The following ZNF136 variants were observed in gnomAD, a reference collection of about 807,000 sequenced individuals.
The protein encoded by ZNF136 is zinc finger protein 136 (clone pHZ-20).
Under a neutral mutation model 11.4 loss-of-function variants are expected in ZNF136, and 8 were observed. The observed-to-expected ratio is 0.70, with a 90% CI of 0.41 to 1.27. ZNF136 has a LOEUF of 1.27. Among genes scored for constraint, ZNF136 ranks in the 50% most tolerant of loss-of-function variants. ZNF136 has a pLI of 0.01. For missense variants in ZNF136, 590 were observed against 656.5 expected (o/e 0.90, Z 1.11); for synonymous variants, 190 against 207.1 (o/e 0.92, Z 0.71).
intron 1 of ZNF136, among the ~76,000 whole-genome samples, chr19:12,177,785 G>A (rs1914838355): frequency 6.6e-6 from 1 of 152,146 alleles, no homozygotes; most frequent in Non-Finnish European, 1.5e-5. Context: ...GCTCTTTTCA[G>A]AAATGTCTGT....
In ZNF136 at chr19:12,170,217, C is replaced by T. The variant is rs1021642308; in HGVS notation, c.3+7011C>T. Reference sequence around the variant, plus strand: ...TGCTGGGATTACAGGCGTGAGCCACCGCGCCCGGCCTTTTGTGGTTTCTTT... The same window carrying T: ...TGCTGGGATTACAGGCGTGAGCCACTGCGCCCGGCCTTTTGTGGTTTCTTT... On this transcript the variant is annotated intron_variant, in intron 1 of 3. Transcript: ENST00000343979. 8.5e-5 allele frequency among the ~76,000 whole-genome samples: 13 copies of T among 152,098 alleles called. 1 individual carries two copies. The highest frequency in any genetic ancestry group is 4.1e-4 in the South Asian group (2 of 4,820).
rs1599461112 is a variant in ZNF136 at position 12,186,943 on chromosome 19, A to G, written c.565A>G (p.Thr189Ala). ...SLKRIRRHII[T>A]HSGYTPYKCK... ...CAAAAGAATTAGAAGACACATCATC[A>G]CACACAGTGGATATACACCATATAA... The change falls in exon 4 of 4, where the codon ACA (threonine) becomes GCA (alanine). Residue 189 changes from threonine to alanine, a missense_variant. Transcript: ENST00000343979. 1.2e-6 allele frequency: 2 copies of G among 1,613,988 alleles called. No individual in the cohort carries two copies. Among genetic ancestry groups the G allele is most frequent in the Non-Finnish European group, 1.7e-6 (2 of 1,180,022 alleles).
Position 12,172,860 on chromosome 19 carries a change from A to C in ZNF136, c.3+9654A>C, listed in dbSNP as rs377533038. Among the ~76,000 whole-genome samples the C allele has an allele frequency of 1.9e-4, 29 of 152,204 alleles. No homozygotes were observed. In the East Asian group the frequency reaches 5.2e-3, roughly 27 times the overall value. ...AACCCTGTCTCTACTAAAAATACAA[A>C]AATGAGCTGGGTGTGATGGTGCGTG... On this transcript the variant is annotated intron_variant, in intron 1 of 3. Transcript: ENST00000343979.
intron 1 of ZNF136, among the ~76,000 whole-genome samples, chr19:12,176,471 C>G (rs980010149): frequency 6.6e-6 from 1 of 152,038 alleles, no homozygotes; most frequent in Non-Finnish European, 1.5e-5. Flanking sequence ...GGATTACAGG[C>G]GCTTGCCACC....
intron 1 of ZNF136, among the ~76,000 whole-genome samples, chr19:12,168,057 CTT>C (rs386388563): frequency 7.0e-3 from 498 of 71,014 alleles, no homozygotes; most frequent in Non-Finnish European, 8.1e-3. Flanking sequence ...TTTTCTTTTT[CTT>C]TTTTTTTTTT....
At chr19:12,176,899 A>G (rs985423674) in intron 1 of ZNF136, among the ~76,000 whole-genome samples, 3 of 152,124 alleles carry the variant, frequency 2.0e-5, no homozygotes, top group Admixed American at 2.0e-4. Context: ...CTACCTGGGT[A>G]TGGCCACCTA....
At chr19:12,174,594 TA>T (rs1209947688) in intron 1 of ZNF136, among the ~76,000 whole-genome samples, 2 of 152,212 alleles carry the variant, frequency 1.3e-5, no homozygotes, top group African/African-American at 4.8e-5. Flanking sequence ...CTGTAATAAA[TA>T]ACCACAGACT....
intron 1 of ZNF136, chr19:12,185,442 C>G: frequency 5.6e-6 from 1 of 177,162 alleles, no homozygotes. Flanking sequence ...TAAGCAGTCT[C>G]AGGACTGCTA....
chr19:12,178,390 C>T (rs1914851265), intron 1 of ZNF136, among the ~76,000 whole-genome samples: 1 of 152,170 alleles, frequency 6.6e-6, no homozygotes, highest in South Asian at 2.1e-4. Context: ...TCACCCAGAA[C>T]TCTTTTGTGA....
chr19:12,170,129 T>G (rs564501186), intron 1 of ZNF136, among the ~76,000 whole-genome samples: 1 of 149,552 alleles, frequency 6.7e-6, no homozygotes, highest in African/African-American at 2.4e-5. Flanking sequence ...GGGGTTTCGC[T>G]GTGTTAGCCA....
intron 1 of ZNF136, among the ~76,000 whole-genome samples, chr19:12,178,320 G>A (rs1326850736): frequency 1.3e-5 from 2 of 152,036 alleles, no homozygotes; most frequent in Non-Finnish European, 2.9e-5. Flanking sequence ...ATCCACAATG[G>A]TGCTGTCAAA....
chr19:12,187,014 A>T lies in ZNF136; in HGVS notation c.636A>T (p.Arg212=). ...GKAFDYPSRF[R]THERSHTGEK... is the part of the protein sequence containing the mutation. Reference sequence around the variant, plus strand: ...CTTTTGATTATCCCAGTAGATTTCGAACACATGAAAGAAGTCACACTGGAG... The same window carrying T: ...CTTTTGATTATCCCAGTAGATTTCGTACACATGAAAGAAGTCACACTGGAG... The change falls in exon 4 of 4, where the codon CGA becomes CGT. Residue 212 remains arginine (R), a synonymous_variant. Transcript: ENST00000343979. 1 of 1,614,168 alleles carries T rather than the reference A, an allele frequency of 6.2e-7. No homozygotes were observed. Among genetic ancestry groups the T allele is most frequent in the Non-Finnish European group, 8.5e-7 (1 of 1,180,020 alleles).
At chr19:12,186,297 C>T in intron 3 of ZNF136, 123 bp downstream of exon 3, 1 of 1,066,864 alleles carries the variant, frequency 9.4e-7, no homozygotes. Context: ...TGAATATTTT[C>T]CCCAAATACA....
chr19:12,184,139 G>A (rs1321337747), intron 1 of ZNF136, among the ~76,000 whole-genome samples: 1 of 152,082 alleles, frequency 6.6e-6, no homozygotes, highest in East Asian at 1.9e-4. Flanking sequence ...GGTGGCACGT[G>A]CCTGTACTCC....
rs1381043916 is a variant in ZNF136 at position 12,187,182 on chromosome 19, A to G, written c.804A>G (p.Gln268=). Residue 268 remains glutamine, a synonymous_variant, in exon 4 of 4, where the codon CAA becomes CAG. Transcript: ENST00000343979. The stretch of plus-strand genomic sequence containing the variant: ...CCTTTCATTCTCTGAGTTCATTTCA[A>G]GTGCATGAAAGAATTCACACTGGAG... ...GKPFHSLSSF[Q]VHERIHTGEK... is the part of the protein sequence containing the mutation. 4 of 1,613,792 alleles carry G rather than the reference A, an allele frequency of 2.5e-6. No individual in the cohort carries two copies. The highest frequency in any genetic ancestry group is 3.4e-6 in the Non-Finnish European group (4 of 1,179,988).
chr19:12,179,686 T>C (rs1281388144), intron 1 of ZNF136, among the ~76,000 whole-genome samples: 1 of 152,156 alleles, frequency 6.6e-6, no homozygotes, highest in East Asian at 1.9e-4. Flanking sequence ...CTTCTCTGGA[T>C]TGTATACTAT....
Position 12,163,186 on chromosome 19 carries a change from A to G in ZNF136, c.-18A>G, listed in dbSNP as rs1003530635. 3.6e-6 allele frequency: 5 copies of G among 1,400,722 alleles called. No homozygotes were observed. The highest frequency in any genetic ancestry group is 4.7e-6 in the Non-Finnish European group (5 of 1,070,598). 86.8% of individuals were successfully genotyped at this position (1,400,722 alleles called of 1,614,324 possible). A position where few individuals can be genotyped will look rare whatever the true frequency, so the allele number is the denominator to read the frequency against. On this transcript the variant is annotated 5_prime_UTR_variant, in exon 1 of 4. Transcript: ENST00000343979. The stretch of plus-strand genomic sequence containing the variant: ...TGGGATCCGGAGGGAGGAAGCTGGG[A>G]CACCCGGGAGTCAGGAAATGGTGAG...
intron 1 of ZNF136, among the ~76,000 whole-genome samples, chr19:12,178,711 C>CG (rs201125140): frequency 0.013 from 1,921 of 151,350 alleles, 41 homozygotes; most frequent in African/African-American, 0.045. Context: ...GTGAATCAGG[C>CG]GGGGAGGGGT....
rs1915103373 is a variant in ZNF136, at chr19:12,186,780, A to T, written c.402A>T (p.Glu134Asp). ...GACATGAACCAAAGGAATATCAGGA[A>T]TATGGAGAGAAGCCAGATACACGTA... The part of the protein sequence containing the change: ...HSGHEPKEYQ[E>D]YGEKPDTRNQ... The change falls in exon 4 of 4, where the codon GAA becomes GAT. Residue 134 changes from glutamate to aspartate, a missense_variant. By Grantham distance (45) the Glu-to-Asp change is conservative. Transcript: ENST00000343979. The T allele has an allele frequency of 1.2e-6, 2 of 1,614,172 alleles. No homozygotes were observed. Among genetic ancestry groups the T allele is most frequent in the Admixed American group, 3.3e-5 (2 of 60,014 alleles).
Sources: gnomAD v4.1 joint callset for allele counts (sites outside exome capture counted in the v4.1 genomes callset) on GRCh38, gnomAD v4.1.1 for gene constraint, MANE v1.5 for transcripts, NCBI Gene and HGNC (gene_info 2026-07-23, HGNC 2026-07-21) for gene names.